Variants in RSRP1 observed in about 807,000 individuals in gnomAD.
The protein encoded by RSRP1 is arginine/serine-rich protein 1.
A neutral mutation model predicts 33.0 loss-of-function variants in RSRP1; 37 were observed. The observed-to-expected ratio is 1.12, with a 90% confidence interval of 0.86 to 1.48. RSRP1 has a LOEUF of 1.48. Among genes scored for constraint, RSRP1 ranks in the 40% most tolerant of loss-of-function variants. The pLI, the probability that RSRP1 is intolerant of heterozygous loss-of-function variation, is 0.00. For missense variants in RSRP1, 402 were observed against 385.3 expected, an observed-to-expected ratio of 1.04 and a Z score of -0.36; for synonymous variants, 167 against 158.7, an observed-to-expected ratio of 1.05 and a Z score of -0.40.
rs1053325868 is a variant in RSRP1 at position 25,287,055 on chromosome 1, T to A, written c.-66-40026A>T. Among the ~76,000 whole-genome samples the A allele has an allele frequency of 1.8e-4, 24 of 135,104 alleles. 3 individuals carry two copies. The highest frequency in any genetic ancestry group is 5.9e-4 in the African/African-American group (23 of 39,136). The allele number at this position is 135,104 out of a possible 152,430, so 88.6% of individuals were successfully genotyped here. ...CTATAGTGAGCCGAGATCGCACCAT[T>A]GCACTGTAGCCTGGGCGACAGAGTG... On this transcript the variant is annotated intron_variant, in intron 1 of 1. Transcript: ENST00000561867.
upstream of RSRP1, among the ~76,000 whole-genome samples, chr1:25,252,368 T>C (rs1639814636): frequency 6.6e-6 from 1 of 151,332 alleles, no homozygotes; most frequent in Non-Finnish European, 1.5e-5. Context: ...ATTGAGCAAA[T>C]AGCAGTGAGG....
At chr1:25,319,238 TAGAGGA>T (rs1254356432) in intron 1 of RSRP1, among the ~76,000 whole-genome samples, 1 of 132,260 alleles carries the variant, frequency 7.6e-6, no homozygotes, top group Non-Finnish European at 1.8e-5. Context: ...AAAAAGAGAA[TAGAGGA>T]AAAGACAATC....
At chr1:25,283,638 A>G (rs1156609270) in intron 1 of RSRP1, among the ~76,000 whole-genome samples, 2 of 133,716 alleles carry the variant, frequency 1.5e-5, no homozygotes, top group East Asian at 3.9e-4. Flanking sequence ...CACCCACGTC[A>G]AAGTGTGGTT....
Position 25,293,228 on chromosome 1 carries a change from TAGAG to T in RSRP1, c.-67+44746_-67+44749del, listed in dbSNP as rs1373557211. Among the ~76,000 whole-genome samples the T allele has an allele frequency of 4.6e-5, 6 of 129,258 alleles. 1 individual carries two copies. Among genetic ancestry groups the T allele is most frequent in the African/African-American group, 1.6e-4 (6 of 37,480 alleles). 84.8% of individuals were successfully genotyped at this position (129,258 alleles called of 152,430 possible). On this transcript the variant is annotated intron_variant, in intron 1 of 1. Transcript: ENST00000561867. ...GAGAAGCAGGAGGGCAATAATCCGA[TAGAG>T]AGGAAAAATCTGATGATACAGAAGA... is the stretch of plus-strand genomic sequence containing the variant.
intron 1 of RSRP1, among the ~76,000 whole-genome samples, chr1:25,277,799 C>T (rs189106045): frequency 0.011 from 1,374 of 121,832 alleles, 161 homozygotes; most frequent in African/African-American, 0.036. Context: ...CTCAGCCTCC[C>T]GAGTAGCTGG....
rs1640453698 is a variant in RSRP1 at position 25,270,332 on chromosome 1, G to C, written c.-66-23303C>G. ...GCTGGGGGTCCCCAACCCCCAGGCTGTGGCCCGTTAGGAACCTGACCGCAC... is the reference window on the plus strand; with the variant it reads ...GCTGGGGGTCCCCAACCCCCAGGCTCTGGCCCGTTAGGAACCTGACCGCAC... On this transcript the variant is annotated intron_variant, in intron 1 of 1. Transcript: ENST00000561867. 3.8e-5 allele frequency among the ~76,000 whole-genome samples: 5 copies of C among 130,028 alleles called. 1 individual carries two copies. The South Asian group carries it at 1.2e-3, about 30-fold the overall frequency. 85.3% of individuals were successfully genotyped at this position (130,028 alleles called of 152,430 possible).
Position 25,300,844 on chromosome 1 carries a change from C to A in RSRP1, c.-67+37134G>T, listed in dbSNP as rs1643327913. The stretch of plus-strand genomic sequence containing the variant: ...GAACACCAGTCTCATGGCTTCAAGT[C>A]ACACCTCCTAAGTGAAGCTCTGAAC... On this transcript the variant is annotated intron_variant, in intron 1 of 1. Transcript: ENST00000561867. 4 of 1,236,502 alleles carry A rather than the reference C, an allele frequency of 3.2e-6. 1 individual carries two copies. Among genetic ancestry groups the A allele is most frequent in the Middle Eastern group, 1.9e-4 (1 of 5,198 alleles). The allele number at this position is 1,236,502 out of a possible 1,614,324, so 76.6% of individuals were successfully genotyped here.
intron 4 of RSRP1, among the ~76,000 whole-genome samples, chr1:25,243,209 G>C (rs1449105427): frequency 1.3e-5 from 2 of 152,164 alleles, no homozygotes; most frequent in Admixed American, 1.3e-4. Context: ...ACATACACAA[G>C]ATACACAAGG....
chr1:25,301,086 C>A lies in RSRP1; in HGVS notation c.-67+36892G>T. On this transcript the variant is annotated intron_variant, in intron 1 of 1. Coordinates refer to the RSRP1 transcript ENST00000561867. ...CAGCAACGATACCCAGTTTGTCTGCCATGCTGGGTAAGGACAAGGTGGGGT... is the reference window on the plus strand; with the variant it reads ...CAGCAACGATACCCAGTTTGTCTGCAATGCTGGGTAAGGACAAGGTGGGGT... The A allele has an allele frequency of 2.9e-6, 4 of 1,376,170 alleles. 1 individual carries two copies. The South Asian group carries it at 3.5e-5, about 12-fold the overall frequency. 85.2% of individuals were successfully genotyped at this position (1,376,170 alleles called of 1,614,324 possible). A position where few individuals can be genotyped will look rare whatever the true frequency, so the allele number is the denominator to read the frequency against.
At chr1:25,322,076 A>T in intron 1 of RSRP1, 1 of 577,444 alleles carries the variant, frequency 1.7e-6, no homozygotes, top group South Asian at 1.6e-5. Flanking sequence ...AAAATGGAGT[A>T]AGGAGCATTG....
intron 1 of RSRP1, among the ~76,000 whole-genome samples, chr1:25,268,956 A>G (rs1640412552): frequency 7.7e-6 from 1 of 129,354 alleles, no homozygotes; most frequent in African/African-American, 2.6e-5. Flanking sequence ...CTCAAAAAAA[A>G]AAAAAAAAAT....
At position 25,242,647 on chromosome 1, in the gene RSRP1, G is replaced by T; in HGVS notation, c.815C>A (p.Ser272Ter). 2 of 1,612,406 alleles carry T rather than the reference G, an allele frequency of 1.2e-6. No homozygotes were observed. The highest frequency in any genetic ancestry group is 1.7e-6 in the Non-Finnish European group (2 of 1,179,844). The change falls in exon 5 of 5, where the codon TCA becomes TAA. Residue 272 changes from serine to a stop codon, truncating the protein, a stop_gained. Coordinates refer to ENST00000243189, the MANE Select transcript of RSRP1 (RefSeq NM_020317.5). LOFTEE classifies it high-confidence loss of function. ...SAKAATEEAS[S>*]RSPKIDQKKS... Reference sequence around the variant, plus strand: ...TTTCTGATCTATTTTTGGTGATCTTGAAGATGCCTCTTCTGTGGCAGCTTT... The same window carrying T: ...TTTCTGATCTATTTTTGGTGATCTTTAAGATGCCTCTTCTGTGGCAGCTTT...
chr1:25,287,565 G>T (rs1309805441), intron 1 of RSRP1, among the ~76,000 whole-genome samples: 2 of 135,008 alleles, frequency 1.5e-5, no homozygotes, highest in Middle Eastern at 4.1e-3. Flanking sequence ...TGTGCCACTT[G>T]ACTTGGGACT....
At chr1:25,331,023 G>A (rs1644995205) in intron 1 of RSRP1, among the ~76,000 whole-genome samples, 1 of 95,566 alleles carries the variant, frequency 1.0e-5, no homozygotes, top group African/African-American at 3.4e-5. Context: ...GAGTGCAGTG[G>A]CCCGATGGAT....
chr1:25,322,664 C>A (rs1345373660), intron 1 of RSRP1, among the ~76,000 whole-genome samples: 1 of 127,164 alleles, frequency 7.9e-6, no homozygotes, highest in East Asian at 2.0e-4. Context: ...CAGAGCGAGA[C>A]TTTGCCTCAA....
At chr1:25,311,062 G>T (rs1456665616) in intron 1 of RSRP1, among the ~76,000 whole-genome samples, 1 of 132,148 alleles carries the variant, frequency 7.6e-6, no homozygotes, top group Non-Finnish European at 1.8e-5. Context: ...CCCAGAACTA[G>T]GGAAAGTCTG....
intron 1 of RSRP1, among the ~76,000 whole-genome samples, chr1:25,278,533 T>A (rs2124600807): frequency 7.6e-6 from 1 of 131,806 alleles, no homozygotes; most frequent in East Asian, 2.0e-4. Context: ...ATCTGCAGTT[T>A]GGGGTGGGAT....
chr1:25,291,407 T>C (rs1642495216), intron 1 of RSRP1, among the ~76,000 whole-genome samples: 1 of 131,822 alleles, frequency 7.6e-6, no homozygotes, highest in African/African-American at 2.6e-5. Context: ...AGGTGGAGGT[T>C]GCAGTGAACC....
intron 1 of RSRP1, among the ~76,000 whole-genome samples, chr1:25,309,054 C>A (rs1644003158): frequency 7.6e-6 from 1 of 131,900 alleles, no homozygotes; most frequent in South Asian, 2.3e-4. Context: ...GGATTAAGCG[C>A]AAAGTCACAA....
Sources: gnomAD v4.1 joint callset for allele counts (sites outside exome capture counted in the v4.1 genomes callset) on GRCh38, gnomAD v4.1.1 for gene constraint, MANE v1.5 for transcripts, NCBI Gene and HGNC (gene_info 2026-07-23, HGNC 2026-07-21) for gene names.